ATP2C2: variants seen among roughly 807,000 people sequenced by gnomAD.
ATP2C2 encodes the protein ATPase secretory pathway Ca2+ transporting 2.
Under a neutral mutation model 110.8 loss-of-function variants are expected in ATP2C2, and 171 were observed. The ratio of observed to expected loss-of-function variants is 1.54; its 90% CI spans 1.36 to 1.75. The LOEUF (loss-of-function observed/expected upper bound fraction) is 1.75, where lower values mean the gene tolerates loss of function less well. Ranked by LOEUF, ATP2C2 falls within the 40% of genes most tolerant of loss-of-function variation. ATP2C2 has a pLI of 0.00. For missense variants in ATP2C2, 1,963 were observed against 1,235.0 expected (o/e 1.59, Z -8.84); for synonymous variants, 804 against 508.4 (o/e 1.58, Z -7.82).
intron 16 of ATP2C2, among the ~76,000 whole-genome samples, chr16:84,448,000 C>G (rs1909917218): frequency 6.6e-6 from 1 of 152,116 alleles, no homozygotes; most frequent in African/African-American, 2.4e-5. Flanking sequence ...GTGACTCTCA[C>G]TGACCCAGGG....
Position 84,410,832 on chromosome 16 carries a change from A to G in ATP2C2, c.515+67A>G, listed in dbSNP as rs901198623. On this transcript the variant is annotated intron_variant, in intron 6 of 26. Transcript: ENST00000262429. ...AGCCAGGGAGCTGGAGAGTTTGGCAAATGTTTGCTGAAAGTTGTATCCTTG... is the reference window on the plus strand; with the variant it reads ...AGCCAGGGAGCTGGAGAGTTTGGCAGATGTTTGCTGAAAGTTGTATCCTTG... The G allele has an allele frequency of 3.4e-6, 5 of 1,487,318 alleles. No individual in the cohort carries two copies. The South Asian group carries it at 3.4e-5, about 10-fold the overall frequency. 92.1% of individuals were successfully genotyped at this position (1,487,318 alleles called of 1,614,324 possible). A position where few individuals can be genotyped will look rare whatever the true frequency, so the allele number is the denominator to read the frequency against.
intron 7 of ATP2C2, among the ~76,000 whole-genome samples, chr16:84,418,713 C>G (rs1292967017): frequency 1.3e-5 from 2 of 152,186 alleles, no homozygotes; most frequent in Admixed American, 6.5e-5. Context: ...GTCCTTACCC[C>G]CAGGACGTTC....
intron 1 of ATP2C2, among the ~76,000 whole-genome samples, chr16:84,375,645 A>G (rs1746193258): frequency 6.6e-6 from 1 of 152,194 alleles, no homozygotes; most frequent in African/African-American, 2.4e-5. Context: ...TTCTTTTGCC[A>G]TCTTTGCCCC....
intron 9 of ATP2C2, among the ~76,000 whole-genome samples, chr16:84,422,980 A>T (rs1015771345): frequency 1.3e-5 from 2 of 152,148 alleles, no homozygotes; most frequent in African/African-American, 4.8e-5. Context: ...TCAAACACGT[A>T]AGACATTTGT....
chr16:84,428,250 G>C (rs1907963138), intron 11 of ATP2C2, among the ~76,000 whole-genome samples: 1 of 152,196 alleles, frequency 6.6e-6, no homozygotes, highest in South Asian at 2.1e-4. Flanking sequence ...GGTGTACATG[G>C]CTCTGGTGCA....
At chr16:84,408,608 G>A (rs1057200162) in intron 4 of ATP2C2, 114 bp downstream of exon 4, 2 of 776,738 alleles carry the variant, frequency 2.6e-6, no homozygotes, top group East Asian at 5.5e-5. Context: ...GGAAAAAGGA[G>A]CATACAGAAG....
rs1597806912 is a variant in ATP2C2 at position 84,422,473 on chromosome 16, T to G, written c.708T>G (p.Gly236=). 6.2e-7 allele frequency: 1 copy of G among 1,613,926 alleles called. No homozygotes were observed. Among genetic ancestry groups the G allele is most frequent in the African/African-American group, 1.3e-5 (1 of 74,942 alleles). ...CSKTDSPLTG[G]GDLTTLSNIV... The stretch of plus-strand genomic sequence containing the variant: ...AAACAGACAGCCCCTTGACAGGCGG[T>G]GGGGACCTCACCACCCTCAGCAACA... The change falls in exon 8 of 27, where the codon GGT becomes GGG. Residue 236 remains glycine (G), a synonymous_variant. Transcript: ENST00000262429.
intron 7 of ATP2C2, among the ~76,000 whole-genome samples, chr16:84,419,061 T>A (rs936177242): frequency 2.0e-5 from 3 of 151,498 alleles, no homozygotes; most frequent in Non-Finnish European, 2.9e-5. Flanking sequence ...ATAAAAAAAT[T>A]AGCCAGGCGT....
intron 9 of ATP2C2, 83 bp from the exon 10 acceptor site, chr16:84,423,105 G>C (rs1476068835): frequency 8.2e-7 from 1 of 1,216,300 alleles, no homozygotes; most frequent in Non-Finnish European, 1.2e-6. Context: ...GAAGCTGTAG[G>C]ATGGCAAGGT....
chr16:84,391,927 A>T (rs7184602), intron 1 of ATP2C2, among the ~76,000 whole-genome samples: 67,027 of 149,566 alleles, frequency 0.45, 15,367 homozygotes, highest in South Asian at 0.61. Flanking sequence ...TTTTTTTTTT[A>T]AAACAAAACT....
rs1371417350 is a variant in ATP2C2, at chr16:84,439,537, G to T, written c.1209+13G>T. 4 of 1,612,962 alleles carry T rather than the reference G, an allele frequency of 2.5e-6. No homozygotes were observed. The South Asian group carries it at 4.4e-5, about 18-fold the overall frequency. On this transcript the variant is annotated intron_variant, in intron 13 of 26. Coordinates refer to ENST00000262429, the MANE Select transcript of ATP2C2 (RefSeq NM_014861.4). The stretch of plus-strand genomic sequence containing the variant: ...GCTTCGTGCCGAGGTGAGTGCCAAA[G>T]GAATTTACAAGCCTTAAGGATGCAC...
At chr16:84,424,324 A>C (rs1907607284) in intron 10 of ATP2C2, among the ~76,000 whole-genome samples, 1 of 152,120 alleles carries the variant, frequency 6.6e-6, no homozygotes, top group Non-Finnish European at 1.5e-5. Flanking sequence ...TGTTGCCCAG[A>C]CTGGAGAGCA....
intron 10 of ATP2C2, among the ~76,000 whole-genome samples, 199 bp from the exon 11 acceptor site, chr16:84,425,536 A>T (rs1907732804): frequency 6.6e-6 from 1 of 152,208 alleles, no homozygotes. Flanking sequence ...CTTTCCTAAG[A>T]AAGTAAAATC....
Position 84,422,690 on chromosome 16 carries a change from C to A in ATP2C2, c.836C>A (p.Ala279Asp). The A allele has an allele frequency of 6.2e-7, 1 of 1,612,214 alleles. No individual in the cohort carries two copies. The highest frequency in any genetic ancestry group is 8.5e-7 in the Non-Finnish European group (1 of 1,179,380). ...GGAGAAGTGTTTAAGATGATGCAGG[C>A]TGAAGAGGTAAGGGGCAGGAGGGGG... ...QFGEVFKMMQ[A>D]EETPKTPLQK... The change falls in exon 9 of 27, where the codon GCT (alanine) becomes GAT (aspartate). Residue 279 changes from alanine (A) to aspartate (D), a missense_variant. Coordinates refer to ENST00000262429, the MANE Select transcript of ATP2C2 (RefSeq NM_014861.4).
At chr16:84,444,646 C>T (rs1295927212) in intron 15 of ATP2C2, among the ~76,000 whole-genome samples, 2 of 152,236 alleles carry the variant, frequency 1.3e-5, no homozygotes, top group Non-Finnish European at 2.9e-5. Flanking sequence ...CCGGCCTGAC[C>T]GCCTGGCAGG....
chr16:84,399,682 T>C (rs1905203647), intron 2 of ATP2C2, among the ~76,000 whole-genome samples: 1 of 152,168 alleles, frequency 6.6e-6, no homozygotes, highest in South Asian at 2.1e-4. Context: ...CAGAGATACT[T>C]TGATACAGGC....
intron 1 of ATP2C2, among the ~76,000 whole-genome samples, chr16:84,379,453 A>C (rs944764061): frequency 6.6e-6 from 1 of 152,194 alleles, no homozygotes; most frequent in African/African-American, 2.4e-5. Flanking sequence ...GGCGTGAGCC[A>C]CTGTGCCTGG....
rs915066954 is a variant in ATP2C2, at chr16:84,390,673, G to A, written c.100-7826G>A. Reference sequence around the variant, plus strand: ...CCTGGGCACAGGATTTTCCTCTGGCGGGCGGTGAAAGTGTTTGGGGATGAG... The same window carrying A: ...CCTGGGCACAGGATTTTCCTCTGGCAGGCGGTGAAAGTGTTTGGGGATGAG... On this transcript the variant is annotated intron_variant, in intron 1 of 26. Coordinates refer to ENST00000262429, the MANE Select transcript of ATP2C2 (RefSeq NM_014861.4). 1.2e-4 allele frequency among the ~76,000 whole-genome samples: 18 copies of A among 152,142 alleles called. 1 individual carries two copies. Among genetic ancestry groups the A allele is most frequent in the Admixed American group, 6.5e-4 (10 of 15,270 alleles).
chr16:84,399,275 AACTCAAGT>A lies in ATP2C2; in HGVS notation c.210+667_210+674del, dbSNP rs556252367. Among the ~76,000 whole-genome samples the A allele has an allele frequency of 1.8e-3, 279 of 152,350 alleles. 1 individual carries two copies. Among genetic ancestry groups the A allele is most frequent in the Middle Eastern group, 6.8e-3 (2 of 294 alleles). ...GAAGCTAGTGTCTTTTCTTGAGAATAACTCAAGTCTGTTTCAATTCAAGTCCTGTGTAT... is the reference window on the plus strand; with the variant it reads ...GAAGCTAGTGTCTTTTCTTGAGAATACTGTTTCAATTCAAGTCCTGTGTAT... On this transcript the variant is annotated intron_variant, in intron 2 of 26. Coordinates refer to ENST00000262429, the MANE Select transcript of ATP2C2 (RefSeq NM_014861.4).
Sources: gnomAD v4.1 joint callset for allele counts (sites outside exome capture counted in the v4.1 genomes callset) on GRCh38, gnomAD v4.1.1 for gene constraint, MANE v1.5 for transcripts, NCBI Gene and HGNC (gene_info 2026-07-23, HGNC 2026-07-21) for gene names.